DTNB: variants seen among roughly 807,000 people sequenced by gnomAD.
DTNB encodes dystrobrevin beta, also known as DTN-B.
DTNB carries 63 observed loss-of-function variants against 90.7 expected under a neutral mutation model. That is an observed-to-expected ratio of 0.69 (90% CI 0.57 to 0.86). DTNB has a LOEUF of 0.86. DTNB is among the 40% of genes least tolerant of loss of function. The pLI is 0.00. For missense variants in DTNB, 744 were observed against 807.1 expected (o/e 0.92, Z 0.95); for synonymous variants, 277 against 286.7 (o/e 0.97, Z 0.34).
chr2:25,388,457 G>C, intron 16 of DTNB, 96 bp from the exon 17 acceptor site: 1 of 1,434,880 alleles, frequency 7.0e-7, no homozygotes, highest in Non-Finnish European at 9.2e-7. Context: ...GAGCCAGCCA[G>C]TGGGCCTCAG....
intron 4 of DTNB, among the ~76,000 whole-genome samples, chr2:25,623,972 G>A (rs2073485962): frequency 6.6e-6 from 1 of 152,130 alleles, no homozygotes; most frequent in Non-Finnish European, 1.5e-5. Context: ...GGAAGCTGGG[G>A]ATGGACATGC....
At chr2:25,618,300 A>C (rs996306535) in intron 4 of DTNB, among the ~76,000 whole-genome samples, 3 of 152,164 alleles carry the variant, frequency 2.0e-5, no homozygotes, top group African/African-American at 7.2e-5. Flanking sequence ...ATACCGCCCG[A>C]CTTTGTTCTT....
chr2:25,450,834 T>TTTTGTGAGACA (rs1488381993), intron 12 of DTNB, among the ~76,000 whole-genome samples: 1 of 152,174 alleles, frequency 6.6e-6, no homozygotes, highest in Middle Eastern at 3.2e-3. Context: ...GACAGGGTCT[T>TTTTGTGAGACA]GCTCTGTTGC....
intron 8 of DTNB, among the ~76,000 whole-genome samples, chr2:25,542,086 CTG>C (rs2081385021): frequency 2.0e-5 from 3 of 152,116 alleles, no homozygotes; most frequent in Admixed American, 2.0e-4. Flanking sequence ...TGTTGTTGTT[CTG>C]TGTGTGTTTA....
intron 4 of DTNB, among the ~76,000 whole-genome samples, chr2:25,615,200 C>T (rs115169444): frequency 9.9e-5 from 15 of 152,218 alleles, no homozygotes; most frequent in Non-Finnish European, 2.2e-4. Context: ...GTGTGTTTTA[C>T]GGGAAGGGGC....
At chr2:25,633,321 G>A (rs1013283343) in intron 3 of DTNB, among the ~76,000 whole-genome samples, 5 of 152,170 alleles carry the variant, frequency 3.3e-5, no homozygotes, top group Non-Finnish European at 5.9e-5. Context: ...GCGCCGCCAC[G>A]CCTGACTGGT....
At chr2:25,381,851 T>G (rs1228401543) in intron 19 of DTNB, among the ~76,000 whole-genome samples, 1 of 152,248 alleles carries the variant, frequency 6.6e-6, no homozygotes, top group Non-Finnish European at 1.5e-5. Context: ...TGCTGACAAA[T>G]TCCTTGCCCC....
chr2:25,570,346 T>G (rs1211995100), intron 8 of DTNB, among the ~76,000 whole-genome samples: 1 of 139,672 alleles, frequency 7.2e-6, no homozygotes, highest in Non-Finnish European at 1.5e-5. Flanking sequence ...AGGTCAAGGC[T>G]GTAGTGATCC....
intron 5 of DTNB, chr2:25,598,969 G>A (rs924330394): frequency 6.6e-6 from 1 of 152,020 alleles, no homozygotes; most frequent in African/African-American, 2.4e-5. Context: ...TTTAAGTAGA[G>A]ATCAAATTTT....
At chr2:25,647,777 T>A (rs2079839538) in intron 2 of DTNB, among the ~76,000 whole-genome samples, 1 of 151,028 alleles carries the variant, frequency 6.6e-6, no homozygotes, top group Admixed American at 6.6e-5. Context: ...ATAATAAAAA[T>A]TAGAGGAAAT....
At chr2:25,417,177 T>A (rs974193471) in intron 16 of DTNB, among the ~76,000 whole-genome samples, 6 of 152,196 alleles carry the variant, frequency 3.9e-5, no homozygotes, top group African/African-American at 1.4e-4. Flanking sequence ...TGGACAGTCC[T>A]ATAAGACTGT....
intron 16 of DTNB, 44 bp downstream of exon 16, chr2:25,419,471 G>GCAAAGGAGC: frequency 6.4e-7 from 1 of 1,555,246 alleles, no homozygotes; most frequent in Admixed American, 2.0e-5. Flanking sequence ...GGAAGAACGT[G>GCAAAGGAGC]CAAAGGAGCG....
intron 8 of DTNB, among the ~76,000 whole-genome samples, chr2:25,576,319 G>A (rs1156261231): frequency 7.0e-6 from 1 of 142,198 alleles, no homozygotes; most frequent in African/African-American, 2.6e-5. Flanking sequence ...TCCACCTCCC[G>A]GGTTCACGCC....
chr2:25,669,505 G>A (rs1229580190), intron 1 of DTNB, among the ~76,000 whole-genome samples: 3 of 152,030 alleles, frequency 2.0e-5, no homozygotes, highest in African/African-American at 7.3e-5. Flanking sequence ...GCCATTTAAG[G>A]GAAATTTTTC....
intron 10 of DTNB, among the ~76,000 whole-genome samples, chr2:25,473,081 A>G (rs2063113489): frequency 6.6e-6 from 1 of 152,178 alleles, no homozygotes; most frequent in Admixed American, 6.5e-5. Flanking sequence ...CATTTCAGAA[A>G]AACCCCTGCA....
rs1238720685 is a variant in DTNB at position 25,589,179 on chromosome 2, T to C, written c.603+6907A>G. On this transcript the variant is annotated intron_variant, in intron 6 of 20. Coordinates refer to ENST00000406818, the MANE Select transcript of DTNB (RefSeq NM_021907.5). ...TGTTATTCTTAAAATTAACCAGCAA[T>C]AGTATAATCCCATTTTTATACAATT... 5.3e-5 allele frequency among the ~76,000 whole-genome samples: 8 copies of C among 152,228 alleles called. No individual in the cohort carries two copies. The East Asian group carries it at 9.7e-4, about 18-fold the overall frequency.
At chr2:25,464,612 C>A (rs556583482) in intron 10 of DTNB, among the ~76,000 whole-genome samples, 3 of 152,270 alleles carry the variant, frequency 2.0e-5, no homozygotes, top group Admixed American at 2.0e-4. Flanking sequence ...TGAGTATGAA[C>A]CATGCTTAGG....
At chr2:25,406,955 T>C (rs1268465400) in intron 16 of DTNB, among the ~76,000 whole-genome samples, 1 of 152,160 alleles carries the variant, frequency 6.6e-6, no homozygotes, top group African/African-American at 2.4e-5. Flanking sequence ...AAATTGGAGT[T>C]GAAATTTCCA....
chr2:25,466,067 G>T (rs531958512), intron 10 of DTNB, among the ~76,000 whole-genome samples: 2 of 152,266 alleles, frequency 1.3e-5, no homozygotes, highest in East Asian at 3.9e-4. Flanking sequence ...GGGTGTGGTG[G>T]CTCACGCTTG....
Sources: allele counts gnomAD v4.1 joint callset (sites outside exome capture counted in the v4.1 genomes callset), GRCh38; gene constraint gnomAD v4.1.1; transcripts MANE v1.5; gene names NCBI Gene and HGNC (gene_info 2026-07-23, HGNC 2026-07-21).